Variants in MCM7 observed in about 807,000 individuals in gnomAD.
MCM7 encodes the protein minichromosome maintenance complex component 7.
A neutral mutation model predicts 83.5 loss-of-function variants in MCM7; 95 were observed. That is an observed-to-expected ratio of 1.14 (90% CI 0.96 to 1.35). The LOEUF (loss-of-function observed/expected upper bound fraction) is 1.35, where lower values mean the gene tolerates loss of function less well. Among genes scored for constraint, MCM7 ranks in the 40% most tolerant of loss-of-function variants. The probability of loss-of-function intolerance (pLI) is 0.00; values close to 1 mark genes in which losing one functional copy is unlikely to be tolerated. For synonymous variants in MCM7, 461 were observed against 352.7 expected (o/e 1.31, Z -3.44); for missense variants, 1,087 against 957.4 (o/e 1.14, Z -1.79).
chr7:100,096,816 T>A (rs1795659150), intron 10 of MCM7, among the ~76,000 whole-genome samples: 1 of 149,752 alleles, frequency 6.7e-6, no homozygotes, highest in Non-Finnish European at 1.5e-5. Context: ...AAAAAAAACT[T>A]TTTAGGCCGG....
chr7:100,099,931 T>C, intron 2 of MCM7, 83 bp downstream of exon 2: 1 of 1,454,310 alleles, frequency 6.9e-7, no homozygotes, highest in Admixed American at 1.7e-5. Flanking sequence ...AATTGTTATG[T>C]CTTTAATAAA....
At position 100,097,416 on chromosome 7, in the gene MCM7, T is replaced by C. The variant is rs756831893; in HGVS notation, c.1118-32A>G. The C allele has an allele frequency of 3.1e-6, 5 of 1,609,304 alleles. No homozygotes were observed. The East Asian group carries it at 6.7e-5, about 22-fold the overall frequency. ...GAAGGGAAGGCAGCCCTGGAATGAC[T>C]CTTCTCCCAGTGCTTGGCCAACAAC... On this transcript the variant is annotated intron_variant, in intron 9 of 14. Coordinates refer to ENST00000303887, the MANE Select transcript of MCM7 (RefSeq NM_005916.5).
chr7:100,100,328 G>T lies in MCM7; in HGVS notation c.32-235C>A, dbSNP rs7778182. Reference sequence around the variant, plus strand: ...TCCAACATCTCCCCAGGGGAATTCCGGTCCCTACTTTAGTTTAAAATTCTA... The same window carrying T: ...TCCAACATCTCCCCAGGGGAATTCCTGTCCCTACTTTAGTTTAAAATTCTA... On this transcript the variant is annotated intron_variant, in intron 1 of 14. Coordinates refer to ENST00000303887, the MANE Select transcript of MCM7 (RefSeq NM_005916.5). The T allele has an allele frequency of 5.8e-6, 7 of 1,212,890 alleles. No homozygotes were observed. In the South Asian group the frequency reaches 1.2e-4, roughly 21 times the overall value. 75.1% of individuals were successfully genotyped at this position (1,212,890 alleles called of 1,614,324 possible). A position where few individuals can be genotyped will look rare whatever the true frequency, so the allele number is the denominator to read the frequency against.
At chr7:100,093,542 C>G (rs751666585) in intron 13 of MCM7, 141 bp from the exon 14 acceptor site, 4 of 823,236 alleles carry the variant, frequency 4.9e-6, no homozygotes, top group African/African-American at 1.7e-5. Context: ...CCCCCTCCCC[C>G]CAGCATCCGC....
chr7:100,094,048 C>T, intron 13 of MCM7, 125 bp downstream of exon 13: 1 of 1,197,576 alleles, frequency 8.4e-7, no homozygotes, highest in Non-Finnish European at 1.2e-6. Context: ...CCACTATCTG[C>T]ACTGTCAGCA....
chr7:100,100,920 G>T lies in MCM7; in HGVS notation c.31+344C>A. 5.7e-6 allele frequency: 6 copies of T among 1,055,556 alleles called. 1 individual carries two copies. The South Asian group carries it at 1.4e-4, about 25-fold the overall frequency. The allele number at this position is 1,055,556 out of a possible 1,614,324, so 65.4% of individuals were successfully genotyped here. On this transcript the variant is annotated intron_variant, in intron 1 of 14. Coordinates refer to ENST00000303887, the MANE Select transcript of MCM7 (RefSeq NM_005916.5). ...CCTGGGAATGCCCAAAAGCGCGAAG[G>T]AAAGCGGGCACGGGAGCCCAGAGCC...
chr7:100,101,134 G>A, intron 1 of MCM7, 130 bp downstream of exon 1: 3 of 1,177,184 alleles, frequency 2.5e-6, no homozygotes, highest in Non-Finnish European at 3.7e-6. Flanking sequence ...GCCGCAGCTC[G>A]ACCCTGCCTC....
At chr7:100,093,563 C>T (rs1201373791) in intron 13 of MCM7, 162 bp from the exon 14 acceptor site, 5 of 796,982 alleles carry the variant, frequency 6.3e-6, no homozygotes, top group African/African-American at 5.1e-5. Flanking sequence ...AGTGTTGGGC[C>T]GGCACTGTCA....
intron 13 of MCM7, 143 bp downstream of exon 13, chr7:100,094,030 G>A (rs370912855): frequency 7.6e-5 from 80 of 1,046,744 alleles, no homozygotes; most frequent in South Asian, 3.3e-4. Flanking sequence ...GCGGTAGCAC[G>A]GAGAGGACCA....
intron 9 of MCM7, 59 bp from the exon 10 acceptor site, chr7:100,097,443 G>T: frequency 6.3e-7 from 1 of 1,592,732 alleles, no homozygotes; most frequent in Non-Finnish European, 8.6e-7. Context: ...GCCAACAACA[G>T]AGCAATTTTG....
At chr7:100,101,001 G>A in intron 1 of MCM7, 1 of 843,252 alleles carries the variant, frequency 1.2e-6, no homozygotes, top group Non-Finnish European at 1.8e-6. Context: ...CCCCCAGCCG[G>A]GTTAGCGCGC....
At chr7:100,100,951 G>C in intron 1 of MCM7, 1 of 1,051,042 alleles carries the variant, frequency 9.5e-7, no homozygotes, top group Non-Finnish European at 1.3e-6. Flanking sequence ...GAGCCCTTAA[G>C]ACTCTCCTGA....
rs745676123 is a variant in MCM7 at position 100,098,673 on chromosome 7, G to T, written c.625C>A (p.Gln209Lys). The T allele has an allele frequency of 6.2e-7, 1 of 1,614,154 alleles. No homozygotes were observed. Among genetic ancestry groups the T allele is most frequent in the East Asian group, 2.2e-5 (1 of 44,884 alleles). ...TFMPLIMCPSQECQTNRSGGR... is the reference protein window; with the variant it reads ...TFMPLIMCPSKECQTNRSGGR... ...CCTGAGCGGTTGGTTTGGCACTCCT[G>T]GCTTGGGCACATGATCAGAGGCATG... Residue 209 changes from glutamine (Q) to lysine (K), a missense_variant, in exon 6 of 15, where the codon CAG (glutamine) becomes AAG (lysine). Gln to Lys is a moderately conservative substitution (Grantham distance 53, BLOSUM62 1). Transcript: ENST00000303887.
chr7:100,100,668 C>G, intron 1 of MCM7: 1 of 990,430 alleles, frequency 1.0e-6, no homozygotes, highest in Non-Finnish European at 1.2e-6. Context: ...TTTCCCGGGC[C>G]CGAGCGAAGC....
chr7:100,093,489 G>A, intron 13 of MCM7, 88 bp from the exon 14 acceptor site: 1 of 1,246,798 alleles, frequency 8.0e-7, no homozygotes, highest in Non-Finnish European at 1.2e-6. Context: ...CTTTAAGGCT[G>A]GGCAGCCCAT....
chr7:100,098,395 A>C lies in MCM7; in HGVS notation c.721-105T>G. 4 of 1,511,224 alleles carry C rather than the reference A, an allele frequency of 2.6e-6. No homozygotes were observed. In the South Asian group the frequency reaches 4.9e-5, roughly 19 times the overall value. The allele number at this position is 1,511,224 out of a possible 1,614,324, so 93.6% of individuals were successfully genotyped here. A position where few individuals can be genotyped will look rare whatever the true frequency, so the allele number is the denominator to read the frequency against. ...GCTCCCAGGCTACCCAGCCACAGAC[A>C]AGCCCACAGCAGGGGTGCTGAGACC... On this transcript the variant is annotated intron_variant, in intron 6 of 14. Transcript: ENST00000303887.
Position 100,099,368 on chromosome 7 carries a change from C to A in MCM7, c.312G>T (p.Glu104Asp). The change falls in exon 4 of 15, where the codon GAG becomes GAT. Residue 104 changes from glutamate (E) to aspartate (D), a missense_variant. Coordinates refer to ENST00000303887, the MANE Select transcript of MCM7 (RefSeq NM_005916.5). The stretch of plus-strand genomic sequence containing the variant: ...TCCGCTGCTCCATCATTAGCCGATG[C>A]TCAATGTAAACGTCCAGGACATCTT... ...VNKDVLDVYI[E>D]HRLMMEQRSR... 1 of 1,610,536 alleles carries A rather than the reference C, an allele frequency of 6.2e-7. No individual in the cohort carries two copies. Among genetic ancestry groups the A allele is most frequent in the Non-Finnish European group, 8.5e-7 (1 of 1,179,358 alleles).
At chr7:100,094,551 C>T (rs1473365876) in intron 12 of MCM7, among the ~76,000 whole-genome samples, 1 of 152,204 alleles carries the variant, frequency 6.6e-6, no homozygotes, top group African/African-American at 2.4e-5. Flanking sequence ...CCAGTATCCT[C>T]CAAGTTATTT....
chr7:100,098,651 G>A lies in MCM7; in HGVS notation c.647C>T (p.Ser216Leu). The change falls in exon 6 of 15, where the codon TCA becomes TTA. Residue 216 changes from serine (S) to leucine (L), a missense_variant. Physicochemically the swap from Ser to Leu is moderately radical, Grantham distance 145. Coordinates refer to ENST00000303887, the MANE Select transcript of MCM7 (RefSeq NM_005916.5). ...CPSQECQTNRSGGRLYLQTRG... is the reference protein window; with the variant it reads ...CPSQECQTNRLGGRLYLQTRG... ...TGTCTGCAGATACAGCCGCCCTCCT[G>A]AGCGGTTGGTTTGGCACTCCTGGCT... 2 of 1,614,148 alleles carry A rather than the reference G, an allele frequency of 1.2e-6. No homozygotes were observed. Among genetic ancestry groups the A allele is most frequent in the Non-Finnish European group, 1.7e-6 (2 of 1,180,030 alleles).
Sources: gnomAD v4.1 joint callset for allele counts (sites outside exome capture counted in the v4.1 genomes callset) on GRCh38, gnomAD v4.1.1 for gene constraint, MANE v1.5 for transcripts, NCBI Gene and HGNC (gene_info 2026-07-23, HGNC 2026-07-21) for gene names.